The following SRL variants were observed in gnomAD, a reference collection of about 807,000 sequenced individuals.
The protein encoded by SRL is sarcalumenin.
SRL carries 23 observed loss-of-function variants against 39.5 expected under a neutral mutation model. The observed-to-expected ratio is 0.58, with a 90% CI of 0.42 to 0.82. SRL has a LOEUF of 0.82. Ranked by LOEUF, SRL falls within the 40% of genes least tolerant of loss-of-function variation. SRL has a pLI of 0.00. For missense variants in SRL, 592 were observed against 607.8 expected (o/e 0.97, Z 0.27); for synonymous variants, 272 against 237.4 (o/e 1.15, Z -1.34).
At chr16:4,206,763 T>C in intron 1 of SRL, 1 of 456,862 alleles carries the variant, frequency 2.2e-6, no homozygotes, top group Non-Finnish European at 4.4e-6. Context: ...CTCCCCCTGA[T>C]GTCCCTCCTC....
At chr16:4,216,409 C>A (rs892155484) in intron 1 of SRL, among the ~76,000 whole-genome samples, 61 of 152,134 alleles carry the variant, frequency 4.0e-4, no homozygotes, top group African/African-American at 1.4e-3. Flanking sequence ...GTAGCCGGGA[C>A]CACAAGTGCA....
At chr16:4,208,222 T>C in intron 1 of SRL, 1 of 358,454 alleles carries the variant, frequency 2.8e-6, no homozygotes, top group Non-Finnish European at 5.5e-6. Context: ...TGGTGTGCAG[T>C]GTTACGCCCA....
intron 1 of SRL, among the ~76,000 whole-genome samples, chr16:4,240,844 C>T (rs931232597): frequency 1.1e-4 from 17 of 152,260 alleles, no homozygotes; most frequent in African/African-American, 3.9e-4. Context: ...GCCTGACAGC[C>T]GCCTGGAATA....
At chr16:4,232,742 G>T in intron 1 of SRL, among the ~76,000 whole-genome samples, 1 of 152,132 alleles carries the variant, frequency 6.6e-6, no homozygotes, top group East Asian at 1.9e-4. Flanking sequence ...GAACTCCTGC[G>T]GTCAAGGGAT....
chr16:4,199,692 C>CTTTTTTTTTTTTTTTT (rs201684866), intron 3 of SRL, among the ~76,000 whole-genome samples: 1 of 111,454 alleles, frequency 9.0e-6, no homozygotes, highest in African/African-American at 3.4e-5. Context: ...CTTTTCTTTT[C>CTTTTTTTTTTTTTTTT]CTTTTTTTTT....
At chr16:4,200,548 G>T (rs374310178) in intron 3 of SRL, among the ~76,000 whole-genome samples, 1 of 152,166 alleles carries the variant, frequency 6.6e-6, no homozygotes, top group Non-Finnish European at 1.5e-5. Flanking sequence ...CCTGCAGAGC[G>T]CCATGCCCTG....
chr16:4,193,194 G>A (rs901609826), intron 5 of SRL, among the ~76,000 whole-genome samples: 1 of 151,988 alleles, frequency 6.6e-6, no homozygotes, highest in Non-Finnish European at 1.5e-5. Context: ...TTTGAGACAG[G>A]GTCTCACTCT....
intron 1 of SRL, among the ~76,000 whole-genome samples, chr16:4,205,380 A>T (rs1170873038): frequency 6.6e-6 from 1 of 152,130 alleles, no homozygotes; most frequent in African/African-American, 2.4e-5. Flanking sequence ...TTTTGGCTTG[A>T]ACCCCAGCCT....
At chr16:4,205,979 C>T (rs999205551) in intron 1 of SRL, among the ~76,000 whole-genome samples, 20 of 151,994 alleles carry the variant, frequency 1.3e-4, no homozygotes, top group African/African-American at 2.2e-4. Flanking sequence ...AATTCTTCAA[C>T]GAAGCCTGTG....
At chr16:4,214,664 C>T (rs1047700006) in intron 1 of SRL, among the ~76,000 whole-genome samples, 2 of 152,188 alleles carry the variant, frequency 1.3e-5, no homozygotes, top group East Asian at 1.9e-4. Flanking sequence ...TCTGAACACT[C>T]GTGGACCGGG....
At chr16:4,221,087 C>A (rs1028248171) in intron 1 of SRL, among the ~76,000 whole-genome samples, 1 of 151,232 alleles carries the variant, frequency 6.6e-6, no homozygotes, top group African/African-American at 2.4e-5. Flanking sequence ...CTCACTTTGT[C>A]GCTCAGGCTG....
chr16:4,204,390 C>T (rs2052282578), intron 2 of SRL, 143 bp downstream of exon 2: 5 of 102,228 alleles, frequency 4.9e-5, no homozygotes, highest in Admixed American at 2.4e-4. Flanking sequence ...CCCAACGTCC[C>T]CTCCAGCCTC....
At chr16:4,221,865 G>A (rs1045734751) in intron 1 of SRL, among the ~76,000 whole-genome samples, 1 of 152,160 alleles carries the variant, frequency 6.6e-6, no homozygotes, top group African/African-American at 2.4e-5. Context: ...CGTCACTCCA[G>A]TCTCTGCCTC....
intron 1 of SRL, among the ~76,000 whole-genome samples, chr16:4,222,067 G>A (rs957208837): frequency 6.6e-6 from 1 of 152,096 alleles, no homozygotes; most frequent in African/African-American, 2.4e-5. Context: ...CCTTTTGGGG[G>A]ATGCAATCCA....
intron 1 of SRL, among the ~76,000 whole-genome samples, chr16:4,210,274 A>T (rs2052376430): frequency 6.6e-6 from 1 of 152,116 alleles, no homozygotes; most frequent in Non-Finnish European, 1.5e-5. Context: ...CCCTGCAGAA[A>T]AATCTATGGT....
intron 3 of SRL, 76 bp downstream of exon 3, chr16:4,203,090 G>T: frequency 7.6e-7 from 1 of 1,313,372 alleles, no homozygotes; most frequent in Non-Finnish European, 1.1e-6. Context: ...GTCCAGGCCG[G>T]TCAGCAGTGT....
intron 4 of SRL, among the ~76,000 whole-genome samples, chr16:4,197,356 C>G (rs2052162922): frequency 6.6e-6 from 1 of 151,626 alleles, no homozygotes; most frequent in Admixed American, 6.6e-5. Flanking sequence ...AGGCATAAAG[C>G]CACCATGCAC....
intron 5 of SRL, among the ~76,000 whole-genome samples, chr16:4,193,427 G>A (rs1276704663): frequency 6.6e-6 from 1 of 152,180 alleles, no homozygotes; most frequent in Non-Finnish European, 1.5e-5. Context: ...AAAGGATCTG[G>A]GGCAATGGCA....
At chr16:4,195,813 G>C (rs762759167) in intron 4 of SRL, 27 bp from the exon 5 acceptor site, 1 of 1,578,234 alleles carries the variant, frequency 6.3e-7, no homozygotes, top group South Asian at 1.1e-5. Context: ...AGAGGTGAAG[G>C]AATACATGAT....
Sources: gnomAD v4.1 joint callset for allele counts (sites outside exome capture counted in the v4.1 genomes callset) on GRCh38, gnomAD v4.1.1 for gene constraint, MANE v1.5 for transcripts, NCBI Gene and HGNC (gene_info 2026-07-23, HGNC 2026-07-21) for gene names.